FRAS1: variants seen among roughly 807,000 people sequenced by gnomAD.
FRAS1 encodes extracellular matrix organizing protein FRAS1.
In FRAS1, 290 loss-of-function variants were observed where a neutral mutation model predicts 435.2. The observed-to-expected ratio is 0.67, with a 90% CI of 0.61 to 0.73. The LOEUF (loss-of-function observed/expected upper bound fraction) is 0.73. Ranked by LOEUF, FRAS1 falls within the 30% of genes least tolerant of loss-of-function variation. The pLI, the probability that FRAS1 is intolerant of heterozygous loss-of-function variation, is 0.00. For synonymous variants in FRAS1, 1,800 were observed against 1,851.0 expected, an observed-to-expected ratio of 0.97 and a Z score of 0.71; for missense variants, 4,860 against 5,001.5, an observed-to-expected ratio of 0.97 and a Z score of 0.85.
At position 78,452,173 on chromosome 4, in the gene FRAS1, A is replaced by G. The variant is rs1427532570; in HGVS notation, c.6584-2A>G. 6.8e-6 allele frequency: 11 copies of G among 1,613,252 alleles called. No homozygotes were observed. The highest frequency in any genetic ancestry group is 1.1e-5 in the South Asian group (1 of 91,052). ...TCAAATCACTATTTCTGATATTTTC[A>G]GAAGACAAATCCCCACCAGTCATCA... On this transcript the variant is annotated splice_acceptor_variant, in intron 46 of 73. Coordinates refer to ENST00000512123, the MANE Select transcript of FRAS1 (RefSeq NM_025074.7). LOFTEE classifies it high-confidence loss of function.
At chr4:78,314,335 C>T (rs1729150811) in intron 15 of FRAS1, among the ~76,000 whole-genome samples, 1 of 152,170 alleles carries the variant, frequency 6.6e-6, no homozygotes, top group African/African-American at 2.4e-5. Flanking sequence ...TTCTTGTACT[C>T]TGTGAGCGAC....
intron 6 of FRAS1, 23 bp downstream of exon 6, chr4:78,255,398 G>T (rs753966740): frequency 1.9e-6 from 3 of 1,574,672 alleles, no homozygotes; most frequent in Admixed American, 1.8e-5. Flanking sequence ...ACCTCAGCAT[G>T]CAGCCTTCAC....
At chr4:78,196,391 T>C (rs546975995) in intron 2 of FRAS1, among the ~76,000 whole-genome samples, 76 of 152,320 alleles carry the variant, frequency 5.0e-4, no homozygotes, top group African/African-American at 1.8e-3. Flanking sequence ...TTCTAGAACA[T>C]AATATTGGCT....
At chr4:78,233,718 G>T (rs1195127309) in intron 2 of FRAS1, among the ~76,000 whole-genome samples, 1 of 152,180 alleles carries the variant, frequency 6.6e-6, no homozygotes, top group Non-Finnish European at 1.5e-5. Flanking sequence ...ACTGGGCATA[G>T]ACATGTTAAC....
chr4:78,369,066 T>C (rs1403237397), intron 22 of FRAS1, among the ~76,000 whole-genome samples: 1 of 152,204 alleles, frequency 6.6e-6, no homozygotes, highest in African/African-American at 2.4e-5. Context: ...GTGATAGTAG[T>C]TCAGCAGGGG....
At chr4:78,364,125 C>A (rs767963580) in intron 22 of FRAS1, 71 bp downstream of exon 22, 164 of 1,483,342 alleles carry the variant, frequency 1.1e-4, no homozygotes, top group Non-Finnish European at 1.4e-4. Flanking sequence ...GAAAGAAATG[C>A]GAGGTTCTTA....
chr4:78,361,400 TC>T (rs1172564029), intron 20 of FRAS1, among the ~76,000 whole-genome samples: 1 of 152,234 alleles, frequency 6.6e-6, no homozygotes, highest in Non-Finnish European at 1.5e-5. Context: ...CATGAATTGT[TC>T]CTAATATTAG....
chr4:78,067,860 ATT>A (rs35606977), intron 2 of FRAS1, among the ~76,000 whole-genome samples: 6 of 134,398 alleles, frequency 4.5e-5, no homozygotes, highest in South Asian at 2.4e-4. Context: ...CACCCAGCCA[ATT>A]TTTTTTTTTT....
At chr4:78,335,026 G>A (rs1730115064) in intron 19 of FRAS1, among the ~76,000 whole-genome samples, 1 of 150,074 alleles carries the variant, frequency 6.7e-6, no homozygotes. Context: ...ATCCCAAATC[G>A]CGGGATTACA....
chr4:78,478,960 T>C (rs1719931934), intron 55 of FRAS1, among the ~76,000 whole-genome samples: 1 of 152,240 alleles, frequency 6.6e-6, no homozygotes, highest in South Asian at 2.1e-4. Context: ...CCTGTTTCTT[T>C]CTGGGAATTA....
rs1026353333 is a variant in FRAS1, at chr4:78,466,222, A to G, written c.7044A>G (p.Thr2348=). ...CTTCCGGACAGGCCGAGTCTGTCACATTCACCATCGTGCAGCCTCCACGCC... is the reference window on the plus strand; with the variant it reads ...CTTCCGGACAGGCCGAGTCTGTCACGTTCACCATCGTGCAGCCTCCACGCC... ...VDADTEAESV[T]FTIVQPPRHG... Residue 2348 remains threonine (T), a synonymous_variant, in exon 50 of 74, where the codon ACA becomes ACG. Transcript: ENST00000512123. The G allele has an allele frequency of 1.7e-5, 27 of 1,613,736 alleles. No homozygotes were observed. The highest frequency in any genetic ancestry group is 2.3e-5 in the Non-Finnish European group (27 of 1,179,842).
chr4:78,096,220 C>T (rs6840357), intron 2 of FRAS1, among the ~76,000 whole-genome samples: 25,702 of 152,208 alleles, frequency 0.17, 2,347 homozygotes, highest in Admixed American at 0.21. Context: ...TCTTGCATCC[C>T]GGTCACACTG....
chr4:78,317,142 T>G (rs545579518), intron 16 of FRAS1, among the ~76,000 whole-genome samples: 7 of 152,274 alleles, frequency 4.6e-5, no homozygotes, highest in African/African-American at 1.7e-4. Context: ...GTACAAACAC[T>G]AAATAAAGGG....
chr4:78,275,828 G>A (rs2124143), intron 9 of FRAS1, among the ~76,000 whole-genome samples: 42,604 of 151,890 alleles, frequency 0.28, 6,838 homozygotes, highest in East Asian at 0.38. Flanking sequence ...TCTTTGTGGC[G>A]TTCTCTGTAT....
rs140653527 is a variant in FRAS1, at chr4:78,146,031, A to G, written c.108+80015A>G. Among the ~76,000 whole-genome samples, 79 of 152,240 alleles carry G rather than the reference A, an allele frequency of 5.2e-4. 2 individuals carry two copies. The highest frequency in any genetic ancestry group is 1.9e-3 in the African/African-American group (77 of 41,552). ...TGAGTCAGTTAAAACTCTTTTCTTT[A>G]TAAATTACCCAGTCTCAGGTATTTC... On this transcript the variant is annotated intron_variant, in intron 2 of 73. Transcript: ENST00000512123.
intron 12 of FRAS1, among the ~76,000 whole-genome samples, chr4:78,283,516 T>C (rs1727429544): frequency 6.6e-6 from 1 of 152,224 alleles, no homozygotes; most frequent in Non-Finnish European, 1.5e-5. Flanking sequence ...CAGTTAATAA[T>C]TGTTGGCAGG....
At chr4:78,134,081 C>T (rs1194920973) in intron 2 of FRAS1, among the ~76,000 whole-genome samples, 2 of 151,720 alleles carry the variant, frequency 1.3e-5, no homozygotes, top group African/African-American at 2.4e-5. Flanking sequence ...GCCTCAGCCT[C>T]CCGAGTAGCT....
chr4:78,537,970 C>G (rs149383402), intron 72 of FRAS1, among the ~76,000 whole-genome samples: 8 of 150,890 alleles, frequency 5.3e-5, no homozygotes, highest in Non-Finnish European at 1.0e-4. Context: ...AAAAAAAAAG[C>G]CATAATTGTT....
At chr4:78,380,315 C>T (rs1731963522) in intron 27 of FRAS1, among the ~76,000 whole-genome samples, 1 of 148,350 alleles carries the variant, frequency 6.7e-6, no homozygotes. Flanking sequence ...GATGTTACAG[C>T]TGCTTCTTCA....
Sources: allele counts gnomAD v4.1 joint callset (sites outside exome capture counted in the v4.1 genomes callset), GRCh38; gene constraint gnomAD v4.1.1; transcripts MANE v1.5; gene names NCBI Gene and HGNC (gene_info 2026-07-23, HGNC 2026-07-21).